The following KCNIP4 variants were observed in gnomAD, a reference collection of about 807,000 sequenced individuals.
The protein encoded by KCNIP4 is potassium voltage-gated channel interacting protein 4.
In KCNIP4, 12 loss-of-function variants were observed where a neutral mutation model predicts 34.0. That is an observed-to-expected ratio of 0.35 (90% confidence interval 0.23 to 0.57). KCNIP4 has a LOEUF of 0.57. Among genes scored for constraint, KCNIP4 ranks in the 20% least tolerant of loss-of-function variants. The pLI is 0.83. For missense variants in KCNIP4, 238 were observed against 311.7 expected (o/e 0.76, Z 1.78); for synonymous variants, 124 against 102.2 (o/e 1.21, Z -1.29).
At chr4:20,772,541 G>A (rs546497258) in intron 3 of KCNIP4, among the ~76,000 whole-genome samples, 57 of 152,146 alleles carry the variant, frequency 3.7e-4, no homozygotes, top group Non-Finnish European at 7.1e-4. Context: ...AAGTTGTCTG[G>A]TCATCTGCTT....
intron 1 of KCNIP4, among the ~76,000 whole-genome samples, chr4:21,651,503 C>A (rs1212243212): frequency 1.3e-5 from 2 of 152,190 alleles, no homozygotes; most frequent in Non-Finnish European, 2.9e-5. Context: ...CAATTTACCA[C>A]TTCCTAATGG....
intron 1 of KCNIP4, among the ~76,000 whole-genome samples, chr4:20,899,384 C>A (rs1726915843): frequency 6.6e-6 from 1 of 152,200 alleles, no homozygotes; most frequent in African/African-American, 2.4e-5. Flanking sequence ...TGCTGCTCAA[C>A]ATTTTATTTA....
intron 1 of KCNIP4, among the ~76,000 whole-genome samples, chr4:21,081,009 CT>C (rs1217879749): frequency 1.3e-5 from 2 of 151,786 alleles, no homozygotes; most frequent in Non-Finnish European, 2.9e-5. Flanking sequence ...AGATGTTCAA[CT>C]TTAATTTAAA....
intron 1 of KCNIP4, among the ~76,000 whole-genome samples, chr4:21,666,356 C>T (rs866941674): frequency 9.2e-5 from 14 of 152,172 alleles, no homozygotes; most frequent in South Asian, 4.1e-4. Flanking sequence ...ATCATTGCAA[C>T]GGATCATCTC....
rs145072131 is a variant in KCNIP4 at position 21,030,276 on chromosome 4, T to G, written c.62-147567A>C. On this transcript the variant is annotated intron_variant, in intron 1 of 8. Transcript: ENST00000382152. Reference sequence around the variant, plus strand: ...GTGCATGCAAGGGATCTCGGTTGTGTGCTCCTTATGAGAATCTAATGCCTG... The same window carrying G: ...GTGCATGCAAGGGATCTCGGTTGTGGGCTCCTTATGAGAATCTAATGCCTG... 3.9e-3 allele frequency among the ~76,000 whole-genome samples: 595 copies of G among 152,264 alleles called. 3 individuals are homozygous for G. The highest frequency in any genetic ancestry group is 0.024 in the Middle Eastern group (7 of 294).
chr4:21,905,144 A>C lies in KCNIP4; in HGVS notation c.61+43427T>G, dbSNP rs182214832. On this transcript the variant is annotated intron_variant, in intron 1 of 8. Coordinates refer to ENST00000382152, the MANE Select transcript of KCNIP4 (RefSeq NM_025221.6). ...CACCAAAAATAAAATGATTAGATAC[A>C]ATTCTTTTGGGCAAATATTCATTTG... 7.2e-5 allele frequency among the ~76,000 whole-genome samples: 11 copies of C among 152,260 alleles called. No individual in the cohort carries two copies. The East Asian group carries it at 2.1e-3, about 29-fold the overall frequency.
chr4:21,225,001 C>T (rs1758273388), intron 1 of KCNIP4, among the ~76,000 whole-genome samples: 1 of 152,160 alleles, frequency 6.6e-6, no homozygotes, highest in African/African-American at 2.4e-5. Flanking sequence ...CCTTGTGTTA[C>T]ATCATCTTGC....
At chr4:21,726,783 C>A (rs1342215724) in intron 1 of KCNIP4, among the ~76,000 whole-genome samples, 1 of 152,164 alleles carries the variant, frequency 6.6e-6, no homozygotes, top group African/African-American at 2.4e-5. Context: ...TAGCACAGTG[C>A]CCGACACAAA....
chr4:21,714,004 A>T (rs921560284), intron 1 of KCNIP4, among the ~76,000 whole-genome samples: 5 of 152,224 alleles, frequency 3.3e-5, no homozygotes, highest in African/African-American at 1.2e-4. Flanking sequence ...AACAAATTAT[A>T]ATAATCCTGA....
At chr4:20,920,021 CA>C (rs1729237340) in intron 1 of KCNIP4, among the ~76,000 whole-genome samples, 1 of 152,042 alleles carries the variant, frequency 6.6e-6, no homozygotes, top group Non-Finnish European at 1.5e-5. Flanking sequence ...GGCTCTAGGC[CA>C]TTTGAAATGA....
intron 1 of KCNIP4, among the ~76,000 whole-genome samples, chr4:20,981,901 A>G (rs991925857): frequency 2.6e-5 from 4 of 152,218 alleles, no homozygotes; most frequent in Non-Finnish European, 5.9e-5. Context: ...ATGGATAGGA[A>G]TATGATTTAG....
At chr4:20,733,360 AAC>A (rs1303520027) in intron 6 of KCNIP4, among the ~76,000 whole-genome samples, 1 of 152,182 alleles carries the variant, frequency 6.6e-6, no homozygotes, top group Non-Finnish European at 1.5e-5. Context: ...TTTTCTCTAA[AAC>A]AGTCTAATTT....
At chr4:21,800,966 G>A (rs2109252464) in intron 1 of KCNIP4, among the ~76,000 whole-genome samples, 1 of 152,218 alleles carries the variant, frequency 6.6e-6, no homozygotes, top group East Asian at 1.9e-4. Flanking sequence ...TCAAACTGGG[G>A]CCAACACTTT....
At chr4:20,745,326 A>G (rs148288724) in intron 5 of KCNIP4, among the ~76,000 whole-genome samples, 8 of 152,270 alleles carry the variant, frequency 5.3e-5, no homozygotes, top group African/African-American at 1.9e-4. Context: ...TCCTGAAACA[A>G]TTTACATTAA....
At chr4:21,587,441 G>A (rs1741714010) in intron 1 of KCNIP4, among the ~76,000 whole-genome samples, 1 of 151,956 alleles carries the variant, frequency 6.6e-6, no homozygotes, top group South Asian at 2.1e-4. Context: ...CTGCATTCAG[G>A]TGTCAATTTT....
chr4:21,257,080 A>G (rs2109093465), intron 1 of KCNIP4, among the ~76,000 whole-genome samples: 1 of 152,348 alleles, frequency 6.6e-6, no homozygotes, highest in South Asian at 2.1e-4. Flanking sequence ...GTTGAATTAA[A>G]GAATGAATAG....
chr4:21,314,090 T>C (rs78915731), intron 1 of KCNIP4, among the ~76,000 whole-genome samples: 80 of 152,326 alleles, frequency 5.3e-4, no homozygotes, highest in African/African-American at 1.8e-3. Flanking sequence ...TGAGTTCCCC[T>C]GCTTTCTTGC....
rs1212286795 is a variant in KCNIP4 at position 21,346,183 on chromosome 4, TTA to T, written c.62-463476_62-463475del. Among the ~76,000 whole-genome samples, 123 of 93,598 alleles carry T rather than the reference TTA, an allele frequency of 1.3e-3. 4 individuals carry two copies. Among genetic ancestry groups the T allele is most frequent in the African/African-American group, 4.5e-3 (117 of 26,024 alleles). The allele number at this position is 93,598 out of a possible 152,430, so 61.4% of individuals were successfully genotyped here. A position where few individuals can be genotyped will look rare whatever the true frequency, so the allele number is the denominator to read the frequency against. On this transcript the variant is annotated intron_variant, in intron 1 of 8. Transcript: ENST00000382152. Reference sequence around the variant, plus strand: ...AATATATAGAAATCTGTAATATATATTATATATATAGAATTATATATATAATA... The same window carrying T: ...AATATATAGAAATCTGTAATATATATTATATATAGAATTATATATATAATA...
At chr4:21,159,585 A>G (rs1753425761) in intron 1 of KCNIP4, among the ~76,000 whole-genome samples, 1 of 37,246 alleles carries the variant, frequency 2.7e-5, no homozygotes, top group Non-Finnish European at 5.0e-5. Context: ...GCATTGCCTC[A>G]CCTGGGAAGC....
Sources: gnomAD v4.1 joint callset for allele counts (sites outside exome capture counted in the v4.1 genomes callset) on GRCh38, gnomAD v4.1.1 for gene constraint, MANE v1.5 for transcripts, NCBI Gene and HGNC (gene_info 2026-07-23, HGNC 2026-07-21) for gene names.